CD109: variants seen among roughly 807,000 people sequenced by gnomAD.
CD109 encodes CD109 antigen.
Under a neutral mutation model 165.8 loss-of-function variants are expected in CD109, and 149 were observed. The observed-to-expected ratio is 0.90, with a 90% CI of 0.79 to 1.03. The LOEUF is 1.03. Among genes scored for constraint, CD109 ranks in the 50% least tolerant of loss-of-function variants. The pLI, the probability that CD109 is intolerant of heterozygous loss-of-function variation, is 0.00. For synonymous variants in CD109, 585 were observed against 592.1 expected, an observed-to-expected ratio of 0.99 and a Z score of 0.18; for missense variants, 1,712 against 1,677.8, an observed-to-expected ratio of 1.02 and a Z score of -0.36.
chr6:73,807,011 A>G lies in CD109; in HGVS notation c.3128A>G (p.Lys1043Arg). 3 of 1,614,074 alleles carry G rather than the reference A, an allele frequency of 1.9e-6. No individual in the cohort carries two copies. The highest frequency in any genetic ancestry group is 1.3e-5 in the African/African-American group (1 of 75,050). The change falls in exon 25 of 33, where the codon AAA (lysine) becomes AGA (arginine). Residue 1043 changes from lysine to arginine, a missense_variant. Physicochemically the swap from Lys to Arg is conservative, Grantham distance 26. Transcript: ENST00000287097. Reference protein sequence around the residue: ...VIHSELQGGNKSPVTLTAYIV... With the variant: ...VIHSELQGGNRSPVTLTAYIV... ...CATAGTGAGCTTCAAGGTGGCAATA[A>G]AAGTCCAGTAACACTTACAGCCTAT...
At chr6:73,712,679 C>T (rs1174703597) in intron 2 of CD109, among the ~76,000 whole-genome samples, 1 of 152,178 alleles carries the variant, frequency 6.6e-6, no homozygotes, top group African/African-American at 2.4e-5. Flanking sequence ...ATAGCTTTGA[C>T]TCTATTTGTA....
intron 24 of CD109, among the ~76,000 whole-genome samples, chr6:73,806,125 A>G (rs1004513988): frequency 2.0e-5 from 3 of 152,194 alleles, no homozygotes; most frequent in African/African-American, 4.8e-5. Context: ...ATGTCCATCA[A>G]TGATAGACTG....
chr6:73,771,544 A>C lies in CD109; in HGVS notation c.1790A>C (p.Asn597Thr). The change falls in exon 15 of 33, where the codon AAT becomes ACT. Residue 597 changes from asparagine (N) to threonine (T), a missense_variant. Transcript: ENST00000287097. ...VGIVAVDKSV[N>T]LMNASNDITM... ...ATTGTAGCTGTTGACAAAAGTGTGA[A>C]TCTGATGAATGCCTCTAATGATATT... 1 of 1,608,080 alleles carries C rather than the reference A, an allele frequency of 6.2e-7. No individual in the cohort carries two copies. Among genetic ancestry groups the C allele is most frequent in the Non-Finnish European group, 8.5e-7 (1 of 1,177,852 alleles).
At chr6:73,709,635 C>CA (rs1008795827) in intron 2 of CD109, among the ~76,000 whole-genome samples, 10 of 151,836 alleles carry the variant, frequency 6.6e-5, no homozygotes, top group African/African-American at 2.4e-4. Context: ...AGAGACACAA[C>CA]AAAAAAAGAG....
chr6:73,796,089 A>G (rs1775153994), intron 23 of CD109, among the ~76,000 whole-genome samples: 1 of 152,136 alleles, frequency 6.6e-6, no homozygotes, highest in Non-Finnish European at 1.5e-5. Flanking sequence ...TCCCACTGCT[A>G]ATTGTTCCAT....
chr6:73,691,601 G>A (rs1411944078), upstream of CD109, among the ~76,000 whole-genome samples: 1 of 152,204 alleles, frequency 6.6e-6, no homozygotes, highest in Non-Finnish European at 1.5e-5. Context: ...GAAGTTGGAG[G>A]TGGTAAGATG....
chr6:73,781,057 T>C (rs1474114538), intron 16 of CD109, among the ~76,000 whole-genome samples: 2 of 150,438 alleles, frequency 1.3e-5, no homozygotes, highest in Non-Finnish European at 3.0e-5. Flanking sequence ...TGCGTGTGTG[T>C]GTTTGAGTGA....
intron 2 of CD109, among the ~76,000 whole-genome samples, chr6:73,712,842 A>G (rs753667424): frequency 2.0e-5 from 3 of 152,196 alleles, no homozygotes; most frequent in Non-Finnish European, 4.4e-5. Flanking sequence ...TTGGAGTTTT[A>G]TAAAGTTATC....
chr6:73,781,330 C>T lies in CD109; in HGVS notation c.1963+11C>T, dbSNP rs1774488780. 5.0e-6 allele frequency: 8 copies of T among 1,604,366 alleles called. No homozygotes were observed. The highest frequency in any genetic ancestry group is 6.0e-6 in the Non-Finnish European group (7 of 1,171,416). ...ATATTGATGGTGTTTGTAAGTAATA[C>T]ATGGCGACATGCTTGTATTTGTCTT... On this transcript the variant is annotated intron_variant, in intron 17 of 32. Transcript: ENST00000287097.
In CD109 at chr6:73,787,396, G is replaced by A. The variant is rs1774737983; in HGVS notation, c.2500G>A (p.Val834Ile). The change falls in exon 21 of 33, where the codon GTC (valine) becomes ATC (isoleucine). Residue 834 changes from valine (V) to isoleucine (I), a missense_variant. Physicochemically the swap from Val to Ile is conservative, Grantham distance 29. Coordinates refer to ENST00000287097, the MANE Select transcript of CD109 (RefSeq NM_133493.5). ...PTHLGEIPIT[V>I]TALSPTASDA... ...ACATCTGGGAGAAATTCCTATCACA[G>A]TCACAGCTCTTTCACCCACTGCTTC... 5.6e-6 allele frequency: 9 copies of A among 1,613,996 alleles called. No homozygotes were observed. The highest frequency in any genetic ancestry group is 7.6e-6 in the Non-Finnish European group (9 of 1,179,944).
At position 73,783,798 on chromosome 6, in the gene CD109, C is replaced by T; in HGVS notation, c.2197C>T (p.Leu733Phe). Residue 733 changes from leucine to phenylalanine, a missense_variant, in exon 19 of 33, where the codon CTT becomes TTT. By Grantham distance (22) the Leu-to-Phe change is conservative. Transcript: ENST00000287097. ...TGFVISEDLG[L>F]GLTTTPVELQ... ...TTTTGTGATCTCTGAGGACCTGGGT[C>T]TTGGACTAACAACTACTCCAGTGGA... 2 of 1,606,014 alleles carry T rather than the reference C, an allele frequency of 1.2e-6. No homozygotes were observed. The highest frequency in any genetic ancestry group is 1.1e-5 in the South Asian group (1 of 90,838).
At chr6:73,759,088 G>C in intron 7 of CD109, 60 bp downstream of exon 7, 2 of 1,093,792 alleles carry the variant, frequency 1.8e-6, no homozygotes, top group Non-Finnish European at 2.8e-6. Flanking sequence ...GTGACCAAAA[G>C]CTGATTGTAT....
rs1024960055 is a variant in CD109 at position 73,817,771 on chromosome 6, C to T, written c.3912-617C>T. Among the ~76,000 whole-genome samples, 11 of 152,122 alleles carry T rather than the reference C, an allele frequency of 7.2e-5. No homozygotes were observed. In the East Asian group the frequency reaches 1.7e-3, roughly 24 times the overall value. On this transcript the variant is annotated intron_variant, in intron 30 of 32. Coordinates refer to ENST00000287097, the MANE Select transcript of CD109 (RefSeq NM_133493.5). ...GATGCTCACATCACGTACAACAGGG[C>T]GAGAGAAGGATGCAGTGTAATAAAA...
intron 2 of CD109, among the ~76,000 whole-genome samples, chr6:73,705,623 A>AAAAAT (rs376342075): frequency 1.2e-4 from 18 of 148,790 alleles, no homozygotes; most frequent in Non-Finnish European, 2.4e-4. Context: ...CTGTCTCAAG[A>AAAAAT]AAAAGAAAAG....
intron 13 of CD109, 24 bp downstream of exon 13, chr6:73,767,034 T>G: frequency 6.4e-7 from 1 of 1,574,550 alleles, no homozygotes; most frequent in Non-Finnish European, 8.7e-7. Flanking sequence ...GAATCTAAAT[T>G]TATGATCTAT....
At chr6:73,788,336 A>G (rs1774776209) in intron 21 of CD109, 132 bp from the exon 22 acceptor site, 1 of 558,126 alleles carries the variant, frequency 1.8e-6, no homozygotes, top group Non-Finnish European at 3.0e-6. Flanking sequence ...AAAATAAGAA[A>G]TGATAGGTGC....
the CD109 span, among the ~76,000 whole-genome samples, chr6:73,685,457 T>C: frequency 7.9e-5 from 12 of 152,190 alleles, no homozygotes; most frequent in African/African-American, 2.9e-4. Context: ...TCTAGATCAA[T>C]GTTTGTGGAT....
At chr6:73,760,896 T>C (rs1773594954) in intron 7 of CD109, among the ~76,000 whole-genome samples, 1 of 151,642 alleles carries the variant, frequency 6.6e-6, no homozygotes, top group African/African-American at 2.4e-5. Context: ...GCGCTTGTCA[T>C]CCCAGCTACT....
rs779915655 is a variant in CD109 at position 73,717,611 on chromosome 6, C to CTTTTTTT, written c.248-5620_248-5614dup. On this transcript the variant is annotated intron_variant, in intron 2 of 32. Transcript: ENST00000287097. Reference sequence around the variant, plus strand: ...CTGGCATATAGAAATTCTACTGATTCTTTTTTTTTTTTTTTTTTTTTTTTT... The same window carrying CTTTTTTT: ...CTGGCATATAGAAATTCTACTGATTCTTTTTTTTTTTTTTTTTTTTTTTTTTTTTTTT... Among the ~76,000 whole-genome samples, 12 of 74,816 alleles carry CTTTTTTT rather than the reference C, an allele frequency of 1.6e-4. 1 individual carries two copies. Among genetic ancestry groups the CTTTTTTT allele is most frequent in the Non-Finnish European group, 2.5e-4 (9 of 35,908 alleles). 49.1% of individuals were successfully genotyped at this position (74,816 alleles called of 152,430 possible).
Sources: allele counts gnomAD v4.1 joint callset (sites outside exome capture counted in the v4.1 genomes callset), GRCh38; gene constraint gnomAD v4.1.1; transcripts MANE v1.5; gene names NCBI Gene and HGNC (gene_info 2026-07-23, HGNC 2026-07-21).